POMT2: variants seen among roughly 807,000 people sequenced by gnomAD.
The protein encoded by POMT2 is protein O-mannosyltransferase 2, also known as protein O-mannosyl-transferase 2.
POMT2 carries 75 observed loss-of-function variants against 100.0 expected under a neutral mutation model. The observed-to-expected ratio is 0.75, with a 90% CI of 0.62 to 0.91. The LOEUF is 0.91. Among genes scored for constraint, POMT2 ranks in the 40% least tolerant of loss-of-function variants. POMT2 has a pLI of 0.00. For synonymous variants in POMT2, 378 were observed against 374.1 expected (o/e 1.01, Z -0.12); for missense variants, 940 against 955.1 (o/e 0.98, Z 0.21).
At chr14:77,288,350 C>A (rs1314705422) in intron 11 of POMT2, among the ~76,000 whole-genome samples, 2 of 152,172 alleles carry the variant, frequency 1.3e-5, no homozygotes, top group Non-Finnish European at 2.9e-5. Flanking sequence ...CAGACTCCTA[C>A]GTCTTTCTAA....
At chr14:77,315,898 G>A (rs149786708) in intron 1 of POMT2, among the ~76,000 whole-genome samples, 166 of 152,336 alleles carry the variant, frequency 1.1e-3, no homozygotes, top group Non-Finnish European at 2.0e-3. Context: ...TGTAATCCCA[G>A]CTACTCGGGA....
At chr14:77,280,873 C>T (rs537532010) in intron 15 of POMT2, among the ~76,000 whole-genome samples, 1 of 152,254 alleles carries the variant, frequency 6.6e-6, no homozygotes, top group South Asian at 2.1e-4. Flanking sequence ...GGGTGGATCA[C>T]CTGAGGTCAG....
At position 77,312,026 on chromosome 14, in the gene POMT2, C is replaced by T; in HGVS notation, c.256G>A (p.Glu86Lys). The T allele has an allele frequency of 1.9e-6, 3 of 1,613,998 alleles. No individual in the cohort carries two copies. Among genetic ancestry groups the T allele is most frequent in the Non-Finnish European group, 2.5e-6 (3 of 1,179,962 alleles). ...LDEPPHICWDETHFGKMGSYY... is the reference protein window; with the variant it reads ...LDEPPHICWDKTHFGKMGSYY... ...CTTCCCATTTTTCCAAAGTGAGTCT[C>T]ATCCCAACTAAAGGAAACACAGAAA... Residue 86 changes from glutamate to lysine, a missense_variant, in exon 2 of 21, where the codon GAG becomes AAG. Glu to Lys is a moderately conservative substitution (Grantham distance 56). Transcript: ENST00000261534.
At chr14:77,312,121 C>T (rs1594804933) in intron 1 of POMT2, 88 bp from the exon 2 acceptor site, 1 of 1,527,076 alleles carries the variant, frequency 6.5e-7, no homozygotes, top group Non-Finnish European at 8.8e-7. Context: ...AAATTAAAGG[C>T]TATGCATTTC....
intron 18 of POMT2, chr14:77,279,419 A>G (rs1890118056): frequency 7.2e-6 from 3 of 419,410 alleles, no homozygotes; most frequent in Non-Finnish European, 1.4e-5. Flanking sequence ...ATGAGAGGAC[A>G]GGGCCATGGA....
In POMT2 at chr14:77,280,461, C is replaced by A. The variant is rs768135956; in HGVS notation, c.1656G>T (p.Gly552=). The change falls in exon 16 of 21, where the codon GGG becomes GGT. Residue 552 remains glycine, a splice_region_variant and synonymous_variant. Coordinates refer to ENST00000261534, the MANE Select transcript of POMT2 (RefSeq NM_013382.7). ...LLESHMVMIR[G]NSGLKPKDNE... ...TGTCCTTGGGTTTGAGGCCACTGTT[C>A]CCCTGCATGAAGGTAGCAAAGAAAG... The A allele has an allele frequency of 1.2e-6, 2 of 1,614,180 alleles. No homozygotes were observed. Among genetic ancestry groups the A allele is most frequent in the Non-Finnish European group, 1.7e-6 (2 of 1,180,048 alleles).
At chr14:77,292,747 T>C (rs1201744828) in intron 9 of POMT2, among the ~76,000 whole-genome samples, 1 of 152,240 alleles carries the variant, frequency 6.6e-6, no homozygotes, top group African/African-American at 2.4e-5. Context: ...TTTAGATATG[T>C]TTAAGTTAAT....
At chr14:77,309,881 T>C (rs971899513) in intron 2 of POMT2, among the ~76,000 whole-genome samples, 1 of 152,110 alleles carries the variant, frequency 6.6e-6, no homozygotes, top group African/African-American at 2.4e-5. Flanking sequence ...TTTCACCACG[T>C]TGGCCAGGCT....
At chr14:77,303,321 T>C (rs1891117605) in intron 4 of POMT2, among the ~76,000 whole-genome samples, 1 of 152,198 alleles carries the variant, frequency 6.6e-6, no homozygotes, top group Non-Finnish European at 1.5e-5. Flanking sequence ...CTTATCATTT[T>C]ACATGAAGTC....
intron 7 of POMT2, 63 bp from the exon 8 acceptor site, chr14:77,298,834 A>G: frequency 7.1e-7 from 1 of 1,403,434 alleles, no homozygotes; most frequent in Non-Finnish European, 9.9e-7. Context: ...ATTTCCCAGG[A>G]GCGCTGGGAA....
At chr14:77,302,474 A>G (rs1330564244) in intron 5 of POMT2, among the ~76,000 whole-genome samples, 2 of 152,138 alleles carry the variant, frequency 1.3e-5, no homozygotes, top group African/African-American at 2.4e-5. Flanking sequence ...GGATTTCCTA[A>G]CCAGCACTGG....
intron 9 of POMT2, among the ~76,000 whole-genome samples, chr14:77,294,324 TA>T (rs1222321595): frequency 6.6e-6 from 1 of 152,186 alleles, no homozygotes; most frequent in Non-Finnish European, 1.5e-5. Flanking sequence ...CTGATGGTTT[TA>T]TTTTTTTATT....
intron 4 of POMT2, among the ~76,000 whole-genome samples, chr14:77,303,739 G>A (rs570586147): frequency 6.6e-6 from 1 of 152,244 alleles, no homozygotes; most frequent in African/African-American, 2.4e-5. Flanking sequence ...AAATAGTACT[G>A]ATCTCCATTA....
chr14:77,293,375 C>G (rs1277456936), intron 9 of POMT2, among the ~76,000 whole-genome samples: 1 of 152,172 alleles, frequency 6.6e-6, no homozygotes, highest in Non-Finnish European at 1.5e-5. Context: ...CCCCTTTTCC[C>G]ACTGAAATGT....
chr14:77,320,433 C>A lies in POMT2; in HGVS notation c.248+1G>T, dbSNP rs961440747. The A allele has an allele frequency of 6.5e-7, 1 of 1,546,542 alleles. No homozygotes were observed. The highest frequency in any genetic ancestry group is 1.4e-5 in the African/African-American group (1 of 73,050). On this transcript the variant is annotated splice_donor_variant, in intron 1 of 20. Transcript: ENST00000261534. LOFTEE classifies it high-confidence loss of function. ...CCCGCCGAGTCCCTCCCATCACTCA[C>A]CAGATGTGCGGCGGCTCGTCCAAGC...
At chr14:77,279,626 G>A (rs1252437201) in intron 18 of POMT2, 197 bp downstream of exon 18, 1 of 697,884 alleles carries the variant, frequency 1.4e-6, no homozygotes. Flanking sequence ...CAACGCTCTA[G>A]TGTTGTTGGG....
chr14:77,284,299 C>T (rs565961407), intron 14 of POMT2: 2 of 284,444 alleles, frequency 7.0e-6, no homozygotes, highest in Non-Finnish European at 1.4e-5. Context: ...AGTCTGTCTC[C>T]TCGCCAATAT....
intron 18 of POMT2, 177 bp from the exon 19 acceptor site, chr14:77,279,046 G>T: frequency 1.2e-6 from 1 of 859,126 alleles, no homozygotes; most frequent in Non-Finnish European, 1.9e-6. Context: ...CGAGAGCTCT[G>T]GTCAGGGCCC....
rs374205343 is a variant in POMT2, at chr14:77,289,309, T to C, written c.1184-478A>G. Among the ~76,000 whole-genome samples the C allele has an allele frequency of 2.3e-3, 345 of 152,140 alleles. 1 individual carries two copies. The highest frequency in any genetic ancestry group is 0.014 in the Middle Eastern group (4 of 294). ...GAGAGGCTGAGGCAGGAGAATCGCT[T>C]GAACCCGGGAGGCGGAGGTTGCAGT... On this transcript the variant is annotated intron_variant, in intron 10 of 20. Coordinates refer to ENST00000261534, the MANE Select transcript of POMT2 (RefSeq NM_013382.7).
Sources: gnomAD v4.1 joint callset for allele counts (sites outside exome capture counted in the v4.1 genomes callset) on GRCh38, gnomAD v4.1.1 for gene constraint, MANE v1.5 for transcripts, NCBI Gene and HGNC (gene_info 2026-07-23, HGNC 2026-07-21) for gene names.